REDIC1: variants seen among roughly 807,000 people sequenced by gnomAD.
REDIC1 encodes HEI10 Interacting Protein 1.
chr12:39,899,061 A>G, the REDIC1 span, among the ~76,000 whole-genome samples: 1 of 152,114 alleles, frequency 6.6e-6, no homozygotes, highest in Non-Finnish European at 1.5e-5. Context: ...GAATGGTACC[A>G]GTTCCTCCTT....
chr12:39,789,622 T>C, the REDIC1 span, among the ~76,000 whole-genome samples: 1 of 152,182 alleles, frequency 6.6e-6, no homozygotes, highest in Non-Finnish European at 1.5e-5. Flanking sequence ...TTATAGATAA[T>C]ACAAACTGTG....
the REDIC1 span, among the ~76,000 whole-genome samples, chr12:39,764,207 C>G: frequency 6.6e-6 from 1 of 151,966 alleles, no homozygotes; most frequent in Admixed American, 6.6e-5. Context: ...TGGGAGATGT[C>G]TGAGTTGGGA....
chr12:39,739,899 G>A, the REDIC1 span, among the ~76,000 whole-genome samples: 13 of 152,276 alleles, frequency 8.5e-5, no homozygotes, highest in African/African-American at 2.6e-4. Context: ...CCTCAAGCTC[G>A]CATGCTTCTG....
the REDIC1 span, among the ~76,000 whole-genome samples, chr12:39,901,074 A>C: frequency 6.6e-6 from 1 of 152,200 alleles, no homozygotes; most frequent in South Asian, 2.1e-4. Flanking sequence ...ACCTGAGAAA[A>C]ACAAGCAATG....
chr12:39,640,760 G>A, the REDIC1 span, among the ~76,000 whole-genome samples: 1 of 151,602 alleles, frequency 6.6e-6, no homozygotes, highest in Admixed American at 6.6e-5. Flanking sequence ...TTAGATATTG[G>A]ATTTCCTAAG....
the REDIC1 span, among the ~76,000 whole-genome samples, chr12:39,828,833 CTGAG>C: frequency 2.1e-3 from 325 of 151,958 alleles, no homozygotes; most frequent in Middle Eastern, 0.01. Context: ...GAACTATAAA[CTGAG>C]TATTTTTAAA....
At chr12:39,675,025 G>A in the REDIC1 span, among the ~76,000 whole-genome samples, 278 of 152,294 alleles carry the variant, frequency 1.8e-3, 2 homozygotes, top group African/African-American at 6.4e-3. Flanking sequence ...GAGGCTCATA[G>A]CCTGGGGCAA....
At chr12:39,676,115 C>T in the REDIC1 span, among the ~76,000 whole-genome samples, 3 of 151,582 alleles carry the variant, frequency 2.0e-5, no homozygotes, top group Non-Finnish European at 4.4e-5. Flanking sequence ...TCTGAATTGC[C>T]AGATAAAGAA....
chr12:39,783,205 C>A, the REDIC1 span, among the ~76,000 whole-genome samples: 1 of 152,120 alleles, frequency 6.6e-6, no homozygotes, highest in Non-Finnish European at 1.5e-5. Context: ...TGAACTCATC[C>A]TTTTTTATAG....
At chr12:39,673,103 C>T in the REDIC1 span, among the ~76,000 whole-genome samples, 1 of 152,106 alleles carries the variant, frequency 6.6e-6, no homozygotes, top group South Asian at 2.1e-4. Flanking sequence ...TCTCCTGGCT[C>T]TGCTATTGTA....
At chr12:39,710,484 C>T in the REDIC1 span, among the ~76,000 whole-genome samples, 1 of 151,774 alleles carries the variant, frequency 6.6e-6, no homozygotes, top group African/African-American at 2.4e-5. Context: ...ATTTCATCAT[C>T]TCACTTCTCT....
chr12:39,674,818 TGAG>T, the REDIC1 span, among the ~76,000 whole-genome samples: 1 of 152,092 alleles, frequency 6.6e-6, no homozygotes, highest in Non-Finnish European at 1.5e-5. Flanking sequence ...CCAGTGGAAT[TGAG>T]GAGGGGCCAC....
At chr12:39,732,560 G>T in the REDIC1 span, among the ~76,000 whole-genome samples, 15 of 152,026 alleles carry the variant, frequency 9.9e-5, no homozygotes, top group Non-Finnish European at 1.9e-4. Context: ...GAATAATTTT[G>T]TACAAAAATA....
At chr12:39,731,627 G>T in the REDIC1 span, among the ~76,000 whole-genome samples, 1 of 152,166 alleles carries the variant, frequency 6.6e-6, no homozygotes, top group African/African-American at 2.4e-5. Context: ...AGGCATAGGG[G>T]TCAGGGACCC....
At chr12:39,740,255 C>T in the REDIC1 span, among the ~76,000 whole-genome samples, 4 of 152,114 alleles carry the variant, frequency 2.6e-5, no homozygotes, top group African/African-American at 9.7e-5. Flanking sequence ...GGGAGTAGCA[C>T]AGTTAATAGG....
the REDIC1 span, among the ~76,000 whole-genome samples, chr12:39,703,616 T>C: frequency 3.9e-5 from 6 of 152,112 alleles, no homozygotes; most frequent in Admixed American, 6.6e-5. Context: ...GATCCCTCAT[T>C]GCCAAGTCAA....
the REDIC1 span, among the ~76,000 whole-genome samples, chr12:39,856,911 G>A: frequency 6.6e-6 from 1 of 152,064 alleles, no homozygotes. Flanking sequence ...TTTTCTGTAA[G>A]GTTTTCTTGG....
At chr12:39,696,280 A>G in the REDIC1 span, among the ~76,000 whole-genome samples, 7 of 151,442 alleles carry the variant, frequency 4.6e-5, no homozygotes, top group Non-Finnish European at 1.0e-4. Flanking sequence ...GCGGTGGCTC[A>G]CGCCTGTAAT....
chr12:39,788,345 A>T, the REDIC1 span, among the ~76,000 whole-genome samples: 1 of 152,160 alleles, frequency 6.6e-6, no homozygotes, highest in East Asian at 1.9e-4. Flanking sequence ...AGTAACAAAT[A>T]AGGGTTACTT....
Sources: gnomAD v4.1 joint callset for allele counts (sites outside exome capture counted in the v4.1 genomes callset) on GRCh38, gnomAD v4.1.1 for gene constraint, MANE v1.5 for transcripts, NCBI Gene and HGNC (gene_info 2026-07-23, HGNC 2026-07-21) for gene names.